Variants in SPINK13 observed in about 807,000 individuals in gnomAD.
The protein encoded by SPINK13 is serine peptidase inhibitor Kazal type 13.
Under a neutral mutation model 11.0 loss-of-function variants are expected in SPINK13, and 11 were observed. The ratio of observed to expected loss-of-function variants is 1.00; its 90% CI spans 0.63 to 1.65. The LOEUF is 1.65. SPINK13 is among the 40% of genes most tolerant of loss of function. The pLI, the probability that SPINK13 is intolerant of heterozygous loss-of-function variation, is 0.00. For missense variants in SPINK13, 113 were observed against 117.7 expected, an observed-to-expected ratio of 0.96 and a Z score of 0.19; for synonymous variants, 31 against 35.6, an observed-to-expected ratio of 0.87 and a Z score of 0.46.
chr5:148,271,683 G>A (rs1047648235), intron 2 of SPINK13, among the ~76,000 whole-genome samples: 9 of 151,906 alleles, frequency 5.9e-5, no homozygotes, highest in Non-Finnish European at 1.0e-4. Flanking sequence ...TCACTCTGTC[G>A]CCCAGGCTGG....
At chr5:148,283,490 A>C (rs1172602056) in intron 4 of SPINK13, among the ~76,000 whole-genome samples, 1 of 152,236 alleles carries the variant, frequency 6.6e-6, no homozygotes. Flanking sequence ...TCTTCTGCAC[A>C]GCTTTCTTTG....
intron 3 of SPINK13, among the ~76,000 whole-genome samples, chr5:148,278,528 C>T (rs1756465376): frequency 6.6e-6 from 1 of 152,138 alleles, no homozygotes; most frequent in South Asian, 2.1e-4. Flanking sequence ...TTGTTATTTA[C>T]CCAGTAGCCA....
intron 1 of SPINK13, 153 bp downstream of exon 1, chr5:148,269,041 A>G (rs1168279989): frequency 6.6e-6 from 1 of 152,176 alleles, no homozygotes. Context: ...ACACTTATTT[A>G]TGGTTCTCCT....
At chr5:148,277,491 T>C (rs573446340) in intron 3 of SPINK13, among the ~76,000 whole-genome samples, 1 of 152,248 alleles carries the variant, frequency 6.6e-6, no homozygotes, top group Non-Finnish European at 1.5e-5. Flanking sequence ...CATGAAGGGG[T>C]GTTGAATTTT....
intron 1 of SPINK13, 113 bp from the exon 2 acceptor site, chr5:148,269,927 T>G (rs1756323291): frequency 1.6e-6 from 1 of 643,290 alleles, no homozygotes; most frequent in African/African-American, 1.9e-5. Flanking sequence ...CAGGTCAGTA[T>G]AAATCACCAG....
chr5:148,280,714 C>T (rs907281259), intron 3 of SPINK13, among the ~76,000 whole-genome samples: 7 of 152,278 alleles, frequency 4.6e-5, no homozygotes, highest in East Asian at 1.9e-4. Flanking sequence ...TTGAGGTGTC[C>T]GTAGACCCCT....
chr5:148,270,998 T>C (rs1161608332), intron 2 of SPINK13: 2 of 152,240 alleles, frequency 1.3e-5, no homozygotes, highest in African/African-American at 4.8e-5. Flanking sequence ...ACCTCCAGAA[T>C]TGTAAGATAA....
At chr5:148,278,345 CTTTTAGT>C (rs1756462584) in intron 3 of SPINK13, among the ~76,000 whole-genome samples, 1 of 152,104 alleles carries the variant, frequency 6.6e-6, no homozygotes, top group Non-Finnish European at 1.5e-5. Context: ...TTCTCTAGTT[CTTTTAGT>C]TTTGATGTTA....
At chr5:148,275,718 T>TG (rs1331664402) in intron 3 of SPINK13, among the ~76,000 whole-genome samples, 1 of 151,714 alleles carries the variant, frequency 6.6e-6, no homozygotes, top group Non-Finnish European at 1.5e-5. Context: ...TGGAGTGCAA[T>TG]GGCGTGATCT....
chr5:148,277,920 G>A (rs1296041913), intron 3 of SPINK13, among the ~76,000 whole-genome samples: 1 of 152,034 alleles, frequency 6.6e-6, no homozygotes, highest in South Asian at 2.1e-4. Flanking sequence ...TTTTTGGTTG[G>A]TAGGCTATTA....
chr5:148,285,149 T>A (rs1254377898), intron 4 of SPINK13, among the ~76,000 whole-genome samples: 2 of 152,184 alleles, frequency 1.3e-5, no homozygotes, highest in African/African-American at 4.8e-5. Context: ...TAGCTCCCTG[T>A]TCAAATGGAG....
chr5:148,271,665 A>G (rs752363870), intron 2 of SPINK13, among the ~76,000 whole-genome samples: 14 of 152,052 alleles, frequency 9.2e-5, no homozygotes, highest in Non-Finnish European at 2.1e-4. Context: ...TCTGTTGGAG[A>G]CGGAGTCTCA....
intron 3 of SPINK13, among the ~76,000 whole-genome samples, chr5:148,275,649 G>A (rs1417307364): frequency 2.0e-5 from 3 of 150,602 alleles, no homozygotes; most frequent in Non-Finnish European, 3.0e-5. Flanking sequence ...AGCATCTGTT[G>A]TTTCCTGACT....
At position 148,282,108 on chromosome 5, in the gene SPINK13, G is replaced by C. The variant is rs754422921; in HGVS notation, c.113G>C (p.Arg38Pro). 2 of 1,614,012 alleles carry C rather than the reference G, an allele frequency of 1.2e-6. No individual in the cohort carries two copies. Reference protein sequence around the residue: ...KRDFTRWPKPRCKMYIPLDPD... With the variant: ...KRDFTRWPKPPCKMYIPLDPD... ...TATGGTGTCATGTATTTGCAGCCCC[G>C]ATGTAAAATGTATATCCCACTGGAC... The change falls in exon 4 of 5, where the codon CGA becomes CCA. Residue 38 changes from arginine (R) to proline (P), a missense_variant. Arg to Pro is a moderately radical substitution (Grantham distance 103). Coordinates refer to ENST00000398450, the MANE Select transcript of SPINK13 (RefSeq NM_001040129.3).
chr5:148,278,734 A>C (rs1002293037), intron 3 of SPINK13, among the ~76,000 whole-genome samples: 3 of 152,192 alleles, frequency 2.0e-5, no homozygotes, highest in Non-Finnish European at 1.5e-5. Context: ...TGCTGAGAAG[A>C]ATGTATATTT....
chr5:148,279,128 GC>G (rs1756476362), intron 3 of SPINK13, among the ~76,000 whole-genome samples: 1 of 48,120 alleles, frequency 2.1e-5, no homozygotes, highest in Non-Finnish European at 3.9e-5. Flanking sequence ...CTTTCCATTT[GC>G]TTGGTAAATC....
chr5:148,270,234 A>C lies in SPINK13; in HGVS notation c.70+92A>C, dbSNP rs1756330692. On this transcript the variant is annotated intron_variant, in intron 2 of 4. Coordinates refer to ENST00000398450, the MANE Select transcript of SPINK13 (RefSeq NM_001040129.3). ...GTAATTTTTTACTTTTATGGGAAATATTTTGCTGAAATGTAAGCCAGTGCA... is the reference window on the plus strand; with the variant it reads ...GTAATTTTTTACTTTTATGGGAAATCTTTTGCTGAAATGTAAGCCAGTGCA... 6 of 1,390,350 alleles carry C rather than the reference A, an allele frequency of 4.3e-6. No individual in the cohort carries two copies. The African/African-American group carries it at 8.6e-5, about 20-fold the overall frequency. 86.1% of individuals were successfully genotyped at this position (1,390,350 alleles called of 1,614,324 possible).
chr5:148,275,907 C>T (rs113231052), intron 3 of SPINK13, among the ~76,000 whole-genome samples: 14,602 of 152,020 alleles, frequency 0.096, 1,878 homozygotes, highest in African/African-American at 0.28. Flanking sequence ...GTGGTCTGCC[C>T]GCCTCCGCCT....
intron 4 of SPINK13, among the ~76,000 whole-genome samples, chr5:148,284,779 T>A (rs1756567246): frequency 6.6e-6 from 1 of 152,136 alleles, no homozygotes; most frequent in East Asian, 1.9e-4. Context: ...ACGTAAAATC[T>A]TTGAAAAACA....
Sources: allele counts gnomAD v4.1 joint callset (sites outside exome capture counted in the v4.1 genomes callset), GRCh38; gene constraint gnomAD v4.1.1; transcripts MANE v1.5; gene names NCBI Gene and HGNC (gene_info 2026-07-23, HGNC 2026-07-21).